ADAMTSL1: variants seen among roughly 807,000 people sequenced by gnomAD.
The protein encoded by ADAMTSL1 is ADAMTS like 1.
ADAMTSL1 carries 126 observed loss-of-function variants against 201.8 expected under a neutral mutation model. The ratio of observed to expected loss-of-function variants is 0.62; its 90% CI spans 0.54 to 0.72. The LOEUF (loss-of-function observed/expected upper bound fraction) is 0.72. Ranked by LOEUF, ADAMTSL1 falls within the 30% of genes least tolerant of loss-of-function variation. ADAMTSL1 has a pLI of 0.00. For missense variants in ADAMTSL1, 2,679 were observed against 2,277.8 expected (o/e 1.18, Z -3.59); for synonymous variants, 1,121 against 903.4 (o/e 1.24, Z -4.32).
At chr9:18,561,420 C>T (rs576187938) in intron 3 of ADAMTSL1, among the ~76,000 whole-genome samples, 1 of 152,210 alleles carries the variant, frequency 6.6e-6, no homozygotes, top group South Asian at 2.1e-4. Flanking sequence ...TGTTCTTTTG[C>T]ATTTGCTGAG....
At chr9:18,423,547 C>T (rs1025779881) in intron 2 of ADAMTSL1, among the ~76,000 whole-genome samples, 6 of 152,218 alleles carry the variant, frequency 3.9e-5, no homozygotes, top group African/African-American at 7.2e-5. Flanking sequence ...CTTTTGGAGG[C>T]GAGGCATTGT....
At chr9:18,758,790 G>A (rs942280106) in intron 16 of ADAMTSL1, among the ~76,000 whole-genome samples, 1 of 152,164 alleles carries the variant, frequency 6.6e-6, no homozygotes, top group Non-Finnish European at 1.5e-5. Context: ...TTGAGATGAA[G>A]ATATCTTCGG....
chr9:18,712,219 T>A (rs1196158631), intron 14 of ADAMTSL1, among the ~76,000 whole-genome samples: 1 of 152,212 alleles, frequency 6.6e-6, no homozygotes, highest in Admixed American at 6.5e-5. Flanking sequence ...TCACAGTTCC[T>A]CACCAGCAAC....
chr9:18,050,871 T>C (rs930157710), intron 1 of ADAMTSL1, among the ~76,000 whole-genome samples: 3 of 152,184 alleles, frequency 2.0e-5, no homozygotes, highest in Admixed American at 2.0e-4. Context: ...GAAATCCTTT[T>C]CAAACCTTGT....
intron 1 of ADAMTSL1, among the ~76,000 whole-genome samples, chr9:18,142,287 C>T (rs1330099214): frequency 2.0e-5 from 3 of 152,222 alleles, no homozygotes; most frequent in Non-Finnish European, 4.4e-5. Flanking sequence ...AAGCAGCACC[C>T]ATATTCCTTT....
Position 18,737,241 on chromosome 9 carries a change from C to T in ADAMTSL1, c.2006+15576C>T, listed in dbSNP as rs923883037. Among the ~76,000 whole-genome samples, 10 of 143,676 alleles carry T rather than the reference C, an allele frequency of 7.0e-5. 1 individual carries two copies. Among genetic ancestry groups the T allele is most frequent in the African/African-American group, 2.6e-4 (10 of 39,084 alleles). 94.3% of individuals were successfully genotyped at this position (143,676 alleles called of 152,430 possible). A position where few individuals can be genotyped will look rare whatever the true frequency, so the allele number is the denominator to read the frequency against. Reference sequence around the variant, plus strand: ...GGCTGAGGCAGGAGAACCACTTGAACCCGGGAGGTGGAGGTTGCAGTGAAC... The same window carrying T: ...GGCTGAGGCAGGAGAACCACTTGAATCCGGGAGGTGGAGGTTGCAGTGAAC... On this transcript the variant is annotated intron_variant, in intron 15 of 28. Transcript: ENST00000380548.
chr9:18,169,639 G>A (rs62549933), intron 2 of ADAMTSL1, among the ~76,000 whole-genome samples: 198 of 152,252 alleles, frequency 1.3e-3, no homozygotes, highest in Non-Finnish European at 2.1e-3. Context: ...GAAGCTTAAA[G>A]TAGTTTTTTC....
At chr9:18,145,513 T>C (rs1009795022) in intron 1 of ADAMTSL1, among the ~76,000 whole-genome samples, 2 of 152,172 alleles carry the variant, frequency 1.3e-5, no homozygotes, top group African/African-American at 4.8e-5. Flanking sequence ...AATTTTAAAA[T>C]TGCATGATTA....
chr9:18,667,263 T>C, intron 9 of ADAMTSL1, among the ~76,000 whole-genome samples: 1 of 150,138 alleles, frequency 6.7e-6, no homozygotes, highest in Non-Finnish European at 1.5e-5. Flanking sequence ...GTAAATTGCA[T>C]AAATTGTCTC....
chr9:18,144,435 A>G (rs1404790855), intron 1 of ADAMTSL1, among the ~76,000 whole-genome samples: 4 of 151,976 alleles, frequency 2.6e-5, no homozygotes, highest in Admixed American at 6.6e-5. Context: ...CGAGCTCCTG[A>G]CCTCAGGTGA....
intron 3 of ADAMTSL1, among the ~76,000 whole-genome samples, chr9:18,549,931 A>C (rs1023775090): frequency 6.6e-6 from 1 of 152,024 alleles, no homozygotes; most frequent in African/African-American, 2.4e-5. Flanking sequence ...TCTTCAGTTT[A>C]ACAAGATCTC....
intron 2 of ADAMTSL1, among the ~76,000 whole-genome samples, chr9:18,194,847 G>A (rs1022949339): frequency 2.6e-5 from 4 of 151,840 alleles, no homozygotes; most frequent in African/African-American, 9.7e-5. Context: ...TTTATTCCTG[G>A]CCAAGTCTGC....
chr9:18,144,923 C>G (rs548410407), intron 1 of ADAMTSL1, among the ~76,000 whole-genome samples: 1 of 152,108 alleles, frequency 6.6e-6, no homozygotes, highest in Non-Finnish European at 1.5e-5. Context: ...AAGATATTTT[C>G]CTTCAGATCT....
intron 2 of ADAMTSL1, among the ~76,000 whole-genome samples, chr9:18,198,441 G>T (rs9721514): frequency 1.6e-5 from 2 of 127,476 alleles, no homozygotes; most frequent in African/African-American, 2.7e-5. Context: ...ATCAAAAAGT[G>T]GGCGAAGGAC....
chr9:18,700,568 A>G (rs2570569), intron 13 of ADAMTSL1, among the ~76,000 whole-genome samples: 69,542 of 151,922 alleles, frequency 0.46, 16,087 homozygotes, highest in Admixed American at 0.56. Flanking sequence ...TTAATGTCTC[A>G]AGGATTGCCC....
chr9:18,571,379 T>G (rs1822288315), intron 3 of ADAMTSL1, among the ~76,000 whole-genome samples: 1 of 152,312 alleles, frequency 6.6e-6, no homozygotes, highest in South Asian at 2.1e-4. Flanking sequence ...TGGAACCATT[T>G]CAAACAATTT....
At chr9:17,943,649 T>C (rs1222904282) in intron 1 of ADAMTSL1, among the ~76,000 whole-genome samples, 1 of 152,154 alleles carries the variant, frequency 6.6e-6, no homozygotes, top group African/African-American at 2.4e-5. Context: ...CTTCAGTTCC[T>C]TTCCCTGGAG....
chr9:18,678,705 A>G (rs532992251), intron 10 of ADAMTSL1, among the ~76,000 whole-genome samples: 30 of 152,186 alleles, frequency 2.0e-4, no homozygotes, highest in Non-Finnish European at 2.2e-4. Flanking sequence ...TTAAATGTAC[A>G]TTTAAAAACA....
chr9:18,006,528 G>A lies in ADAMTSL1; in HGVS notation c.87+99606G>A, dbSNP rs1024197016. ...TGTCCTGGAACTTGGAAGTTGTTGG[G>A]TAAATCGATAAATTGATGAATAAAA... On this transcript the variant is annotated intron_variant, in intron 1 of 29. Coordinates refer to the ADAMTSL1 transcript ENST00000680146. 5.9e-5 allele frequency among the ~76,000 whole-genome samples: 9 copies of A among 151,990 alleles called. No individual in the cohort carries two copies. The South Asian group carries it at 8.3e-4, about 14-fold the overall frequency.
Sources: gnomAD v4.1 joint callset for allele counts (sites outside exome capture counted in the v4.1 genomes callset) on GRCh38, gnomAD v4.1.1 for gene constraint, MANE v1.5 for transcripts, NCBI Gene and HGNC (gene_info 2026-07-23, HGNC 2026-07-21) for gene names.